DTNB: variants seen among roughly 807,000 people sequenced by gnomAD.
DTNB encodes DTN-B.
In DTNB, 63 loss-of-function variants were observed where a neutral mutation model predicts 90.7. The ratio of observed to expected loss-of-function variants is 0.69; its 90% confidence interval spans 0.57 to 0.86. DTNB has a LOEUF of 0.86. Ranked by LOEUF, DTNB falls within the 40% of genes least tolerant of loss-of-function variation. The pLI is 0.00. For synonymous variants in DTNB, 277 were observed against 286.7 expected (o/e 0.97, Z 0.34); for missense variants, 744 against 807.1 (o/e 0.92, Z 0.95).
At chr2:25,469,953 C>T (rs539895919) in intron 10 of DTNB, among the ~76,000 whole-genome samples, 3 of 152,268 alleles carry the variant, frequency 2.0e-5, no homozygotes, top group East Asian at 1.9e-4. Context: ...GGAGAAGAAA[C>T]GACCACTGTC....
chr2:25,465,977 T>C lies in DTNB; in HGVS notation c.1080-10483A>G, dbSNP rs538853302. Among the ~76,000 whole-genome samples the C allele has an allele frequency of 6.2e-4, 94 of 152,222 alleles. 1 individual carries two copies. The highest frequency in any genetic ancestry group is 6.5e-4 in the Non-Finnish European group (44 of 68,036). ...GAAACAGTGCCTCGCACATATCAGG[T>C]GCTCAGCAAATATTTGCTGAACTAA... On this transcript the variant is annotated intron_variant, in intron 10 of 20. Transcript: ENST00000406818.
chr2:25,664,104 A>G (rs1307744610), intron 1 of DTNB, among the ~76,000 whole-genome samples: 1 of 152,234 alleles, frequency 6.6e-6, no homozygotes, highest in Non-Finnish European at 1.5e-5. Context: ...CTTCAGGTAC[A>G]ATGTACTCAA....
chr2:25,513,768 C>A (rs141802182), intron 9 of DTNB, among the ~76,000 whole-genome samples: 82 of 144,446 alleles, frequency 5.7e-4, no homozygotes, highest in Middle Eastern at 3.6e-3. Flanking sequence ...AAAAAAAAAA[C>A]CCCACAAGAA....
At chr2:25,652,046 C>G (rs1368966301) in intron 2 of DTNB, among the ~76,000 whole-genome samples, 2 of 152,226 alleles carry the variant, frequency 1.3e-5, no homozygotes, top group Non-Finnish European at 2.9e-5. Flanking sequence ...AACAATCCTG[C>G]AAGGATTGGG....
intron 9 of DTNB, among the ~76,000 whole-genome samples, chr2:25,524,039 TTACA>T (rs2076647882): frequency 6.6e-6 from 1 of 151,910 alleles, no homozygotes; most frequent in African/African-American, 2.4e-5. Context: ...GTAGCTGGGA[TTACA>T]GGCATGCACC....
At chr2:25,514,287 T>C (rs1211767834) in intron 9 of DTNB, among the ~76,000 whole-genome samples, 1 of 152,098 alleles carries the variant, frequency 6.6e-6, no homozygotes, top group African/African-American at 2.4e-5. Context: ...GAACCAGTAG[T>C]TGCAAAGGCC....
chr2:25,612,785 C>T (rs1436169744), intron 4 of DTNB, among the ~76,000 whole-genome samples: 4 of 151,930 alleles, frequency 2.6e-5, no homozygotes, highest in Admixed American at 2.6e-4. Flanking sequence ...ATTTAAAAAC[C>T]TTTATGTCCA....
At chr2:25,474,741 A>G (rs1317972299) in intron 10 of DTNB, among the ~76,000 whole-genome samples, 2 of 152,178 alleles carry the variant, frequency 1.3e-5, no homozygotes, top group African/African-American at 4.8e-5. Flanking sequence ...CCCTGAGTTG[A>G]GCAAGGCCAC....
At chr2:25,428,805 GTATTTACCAAA>G (rs2052809453) in intron 14 of DTNB, among the ~76,000 whole-genome samples, 1 of 152,120 alleles carries the variant, frequency 6.6e-6, no homozygotes, top group African/African-American at 2.4e-5. Context: ...ATCAGCACCA[GTATTTACCAAA>G]TATGCAACCT....
chr2:25,627,926 C>CA lies in DTNB; in HGVS notation c.362+244_362+245insT, dbSNP rs1339524120. Among the ~76,000 whole-genome samples the CA allele has an allele frequency of 5.3e-5, 8 of 151,982 alleles. No homozygotes were observed. In the East Asian group the frequency reaches 1.2e-3, roughly 22 times the overall value. On this transcript the variant is annotated intron_variant, in intron 4 of 20. Coordinates refer to ENST00000406818, the MANE Select transcript of DTNB (RefSeq NM_021907.5). ...TAATTTTTTGTATTTTTAGTAGAGA[C>CA]GGGGTTTCACCGTGTTAGCCGGGAT...
intron 8 of DTNB, among the ~76,000 whole-genome samples, chr2:25,563,956 GGT>G (rs2058631326): frequency 2.6e-5 from 4 of 152,052 alleles, no homozygotes; most frequent in Non-Finnish European, 5.9e-5. Flanking sequence ...GGAGTGCAGT[GGT>G]GCGTGCGATC....
intron 10 of DTNB, among the ~76,000 whole-genome samples, chr2:25,470,940 A>G (rs1038233638): frequency 1.4e-4 from 21 of 152,210 alleles, no homozygotes; most frequent in Admixed American, 7.2e-4. Context: ...AGATGGATTT[A>G]TAGAATGTAA....
chr2:25,611,217 T>C (rs1230156623), intron 4 of DTNB, among the ~76,000 whole-genome samples: 1 of 152,246 alleles, frequency 6.6e-6, no homozygotes, highest in Non-Finnish European at 1.5e-5. Flanking sequence ...TTTTATCCAT[T>C]CTCTTACTGA....
At chr2:25,467,478 A>G (rs1385541208) in intron 10 of DTNB, among the ~76,000 whole-genome samples, 1 of 151,832 alleles carries the variant, frequency 6.6e-6, no homozygotes, top group Admixed American at 6.6e-5. Context: ...AAAGAAAAAA[A>G]TTCTTTGTAA....
chr2:25,389,786 C>T (rs1163674888), intron 16 of DTNB, among the ~76,000 whole-genome samples: 2 of 151,894 alleles, frequency 1.3e-5, no homozygotes, highest in African/African-American at 2.4e-5. Context: ...GTGCTTCAAC[C>T]GTGTGGCCAC....
chr2:25,463,468 C>T (rs570596482), intron 10 of DTNB, among the ~76,000 whole-genome samples: 1 of 152,328 alleles, frequency 6.6e-6, no homozygotes, highest in East Asian at 1.9e-4. Flanking sequence ...ATTCTCCACG[C>T]TGCAATGAGT....
intron 1 of DTNB, among the ~76,000 whole-genome samples, chr2:25,670,108 A>T (rs1264689306): frequency 6.6e-6 from 1 of 152,158 alleles, no homozygotes; most frequent in Non-Finnish European, 1.5e-5. Flanking sequence ...TACATAAGAG[A>T]TTGTGTAGTA....
At chr2:25,598,122 A>G (rs2065026704) in intron 5 of DTNB, among the ~76,000 whole-genome samples, 1 of 152,232 alleles carries the variant, frequency 6.6e-6, no homozygotes, top group African/African-American at 2.4e-5. Flanking sequence ...TGTAAGCAGA[A>G]GGGTTGTAGG....
chr2:25,521,253 C>T (rs558007841), intron 9 of DTNB, among the ~76,000 whole-genome samples: 2 of 152,232 alleles, frequency 1.3e-5, no homozygotes, highest in South Asian at 4.1e-4. Context: ...CAAACTTTTT[C>T]AGGGCCAGAT....
Sources: allele counts gnomAD v4.1 joint callset (sites outside exome capture counted in the v4.1 genomes callset), GRCh38; gene constraint gnomAD v4.1.1; transcripts MANE v1.5; gene names NCBI Gene and HGNC (gene_info 2026-07-23, HGNC 2026-07-21).